The following SRPK2 variants were observed in gnomAD, a reference collection of about 807,000 sequenced individuals.
SRPK2 encodes the protein SFRS protein kinase 2.
SRPK2 carries 21 observed loss-of-function variants against 90.8 expected under a neutral mutation model. The ratio of observed to expected loss-of-function variants is 0.23; its 90% confidence interval spans 0.16 to 0.33. The LOEUF (loss-of-function observed/expected upper bound fraction) is 0.33. SRPK2 is among the 10% of genes least tolerant of loss of function. SRPK2 has a pLI of 1.00. For missense variants in SRPK2, 620 were observed against 869.0 expected (o/e 0.71, Z 3.60); for synonymous variants, 288 against 311.1 (o/e 0.93, Z 0.78).
intron 2 of SRPK2, among the ~76,000 whole-genome samples, chr7:105,249,131 C>T (rs1434603345): frequency 6.6e-6 from 1 of 152,118 alleles, no homozygotes; most frequent in Non-Finnish European, 1.5e-5. Flanking sequence ...CTGTTTCACA[C>T]ATCTGCAGCC....
In SRPK2 at chr7:105,352,809, G is replaced by A. The variant is rs572816948; in HGVS notation, c.71+35839C>T. 5.3e-5 allele frequency among the ~76,000 whole-genome samples: 8 copies of A among 152,262 alleles called. No individual in the cohort carries two copies. In the South Asian group the frequency reaches 1.4e-3, roughly 28 times the overall value. On this transcript the variant is annotated intron_variant, in intron 2 of 15. Transcript: ENST00000393651. ...CCAGCTACTCGGGAGGCTGAGGCAG[G>A]AGAATTGCTTGAACCCAGGAGATGG...
At chr7:105,178,132 T>C (rs1792235767) in intron 3 of SRPK2, among the ~76,000 whole-genome samples, 1 of 151,842 alleles carries the variant, frequency 6.6e-6, no homozygotes, top group Non-Finnish European at 1.5e-5. Context: ...TCAATAAAAA[T>C]GTTTCAATCT....
intron 2 of SRPK2, among the ~76,000 whole-genome samples, chr7:105,312,474 C>T (rs915262309): frequency 6.9e-6 from 1 of 145,282 alleles, no homozygotes; most frequent in African/African-American, 2.5e-5. Context: ...GTAGATGAAC[C>T]TTGAAAACAT....
At chr7:105,304,579 T>C (rs528361506) in intron 2 of SRPK2, 2 of 152,348 alleles carry the variant, frequency 1.3e-5, no homozygotes, top group African/African-American at 2.4e-5. Context: ...AGGCTATGCA[T>C]GTATGCATAC....
At chr7:105,235,132 G>A (rs1193991387) in intron 2 of SRPK2, among the ~76,000 whole-genome samples, 4 of 152,194 alleles carry the variant, frequency 2.6e-5, no homozygotes, top group Non-Finnish European at 4.4e-5. Flanking sequence ...GAGACCATCT[G>A]AGGCAGACAG....
chr7:105,238,890 G>A (rs191327454), intron 2 of SRPK2, among the ~76,000 whole-genome samples: 24 of 151,954 alleles, frequency 1.6e-4, no homozygotes, highest in African/African-American at 5.6e-4. Flanking sequence ...ACTCTTCTAA[G>A]CTTTCTTCCA....
intron 5 of SRPK2, 69 bp downstream of exon 5, chr7:105,167,939 G>C: frequency 7.5e-7 from 1 of 1,330,534 alleles, no homozygotes; most frequent in East Asian, 2.5e-5. Context: ...GTATTACCCA[G>C]AAAAATCTTT....
At chr7:105,286,460 A>T (rs1808117002) in intron 2 of SRPK2, among the ~76,000 whole-genome samples, 1 of 152,202 alleles carries the variant, frequency 6.6e-6, no homozygotes, top group African/African-American at 2.4e-5. Context: ...ATTTGACCGT[A>T]GTTTATGAGG....
intron 2 of SRPK2, among the ~76,000 whole-genome samples, chr7:105,249,802 A>G (rs1802232494): frequency 6.6e-6 from 1 of 152,256 alleles, no homozygotes; most frequent in Admixed American, 6.5e-5. Flanking sequence ...TTAAAATGCT[A>G]CATCATTCAT....
chr7:105,261,441 A>T (rs2129982586), intron 2 of SRPK2, among the ~76,000 whole-genome samples: 1 of 152,188 alleles, frequency 6.6e-6, no homozygotes, highest in South Asian at 2.1e-4. Flanking sequence ...GAATGGCGTG[A>T]ACCTGGGAGG....
At chr7:105,320,974 G>A (rs984173205) in intron 2 of SRPK2, among the ~76,000 whole-genome samples, 1 of 151,544 alleles carries the variant, frequency 6.6e-6, no homozygotes, top group Non-Finnish European at 1.5e-5. Context: ...AGGACTACAG[G>A]CAGGTACTAC....
In SRPK2 at chr7:105,216,012, C is replaced by A. The variant is rs191970810; in HGVS notation, c.72-12227G>T. ...TCAAGGCTATAATATGCCACGATCA[C>A]ACCTGTAAATAGCCACTGCACTCCA... On this transcript the variant is annotated intron_variant, in intron 2 of 15. Coordinates refer to ENST00000393651, the MANE Select transcript of SRPK2 (RefSeq NM_182692.3). Among the ~76,000 whole-genome samples, 47 of 149,486 alleles carry A rather than the reference C, an allele frequency of 3.1e-4. 1 individual carries two copies. The highest frequency in any genetic ancestry group is 1.1e-3 in the African/African-American group (46 of 40,412).
intron 2 of SRPK2, among the ~76,000 whole-genome samples, chr7:105,384,650 T>C (rs1293975303): frequency 6.6e-6 from 1 of 152,126 alleles, no homozygotes; most frequent in African/African-American, 2.4e-5. Flanking sequence ...AAACCGTGCT[T>C]CAAGAGACCT....
At chr7:105,288,078 A>T (rs534867565) in intron 2 of SRPK2, among the ~76,000 whole-genome samples, 2 of 152,172 alleles carry the variant, frequency 1.3e-5, no homozygotes, top group African/African-American at 4.8e-5. Context: ...GGATTCTGAG[A>T]GTGTTATATT....
At chr7:105,183,865 C>CGTAT (rs1270674316) in intron 3 of SRPK2, among the ~76,000 whole-genome samples, 3 of 152,102 alleles carry the variant, frequency 2.0e-5, no homozygotes, top group African/African-American at 7.2e-5. Flanking sequence ...TTTTCTCATA[C>CGTAT]ACACAAATAC....
At chr7:105,152,947 T>C (rs1375437496) in intron 7 of SRPK2, among the ~76,000 whole-genome samples, 2 of 152,082 alleles carry the variant, frequency 1.3e-5, no homozygotes, top group Non-Finnish European at 2.9e-5. Context: ...GGCACAAGAA[T>C]TGCTTGAACT....
chr7:105,137,251 T>A (rs957095865), intron 11 of SRPK2, among the ~76,000 whole-genome samples: 1 of 151,924 alleles, frequency 6.6e-6, no homozygotes, highest in African/African-American at 2.4e-5. Context: ...AGAGAATGGG[T>A]CTGGAGCAGG....
Position 105,203,779 on chromosome 7 carries a change from C to G in SRPK2, c.78G>C (p.Glu26Asp). 6.3e-7 allele frequency: 1 copy of G among 1,583,228 alleles called. No individual in the cohort carries two copies. Among genetic ancestry groups the G allele is most frequent in the Non-Finnish European group, 8.6e-7 (1 of 1,164,124 alleles). Residue 26 changes from glutamate to aspartate, a missense_variant, in exon 3 of 16, where the codon GAG (glutamate) becomes GAC (aspartate). By Grantham distance (45) the Glu-to-Asp change is conservative. Around this residue, in one of 8 missense-constraint regions of SRPK2, gnomAD observed 56 missense variants for 49.6 expected, o/e 1.13. Coordinates refer to ENST00000393651, the MANE Select transcript of SRPK2 (RefSeq NM_182692.3). ...PKREKHPKKPEPQQKAPLVPP... is the reference protein window; with the variant it reads ...PKREKHPKKPDPQQKAPLVPP... ...GAACTAAAGGAGCTTTCTGTTGAGG[C>G]TCCGGCCTGAAAGAGCAGAGAGAAA...
At chr7:105,177,292 G>GA (rs958769442) in intron 3 of SRPK2, among the ~76,000 whole-genome samples, 1 of 150,692 alleles carries the variant, frequency 6.6e-6, no homozygotes, top group African/African-American at 2.4e-5. Flanking sequence ...TTTCTTCACT[G>GA]AAAAAAAAAT....
Sources: allele counts gnomAD v4.1 joint callset (sites outside exome capture counted in the v4.1 genomes callset), GRCh38; gene constraint gnomAD v4.1.1; regional missense constraint gnomAD v4.1.1; transcripts MANE v1.5; gene names NCBI Gene and HGNC (gene_info 2026-07-23, HGNC 2026-07-21).